Variants in ZSCAN22 observed in about 807,000 individuals in gnomAD.
ZSCAN22 encodes the protein zinc finger and SCAN domain-containing protein 22.
ZSCAN22 carries 7 observed loss-of-function variants against 12.4 expected under a neutral mutation model. The ratio of observed to expected loss-of-function variants is 0.57; its 90% CI spans 0.32 to 1.06. ZSCAN22 has a LOEUF of 1.06. Ranked by LOEUF, ZSCAN22 falls within the 50% of genes least tolerant of loss-of-function variation. The pLI is 0.04. For missense variants in ZSCAN22, 576 were observed against 631.7 expected, an observed-to-expected ratio of 0.91 and a Z score of 0.94; for synonymous variants, 243 against 255.9, an observed-to-expected ratio of 0.95 and a Z score of 0.48.
Position 58,335,131 on chromosome 19 carries a change from G to A in ZSCAN22, c.329G>A (p.Gly110Glu). The A allele has an allele frequency of 1.2e-6, 2 of 1,614,040 alleles. No homozygotes were observed. Among genetic ancestry groups the A allele is most frequent in the Non-Finnish European group, 1.7e-6 (2 of 1,179,968 alleles). Residue 110 changes from glycine (G) to glutamate (E), a missense_variant, in exon 2 of 3, where the codon GGA becomes GAA. Coordinates refer to ENST00000329665, the MANE Select transcript of ZSCAN22 (RefSeq NM_181846.3). This position sits in a 1 kb window ranked among gnomAD's most constrained non-coding sequence, Gnocchi z 4.1. Reference protein sequence around the residue: ...ALPPEIQAWVGAQSPKSGEEA... With the variant: ...ALPPEIQAWVEAQSPKSGEEA... ...CCCCCAGAGATCCAAGCCTGGGTGGGAGCCCAGAGTCCCAAGAGCGGAGAG... is the reference window on the plus strand; with the variant it reads ...CCCCCAGAGATCCAAGCCTGGGTGGAAGCCCAGAGTCCCAAGAGCGGAGAG...
chr19:58,335,012 C>G lies in ZSCAN22; in HGVS notation c.210C>G (p.Leu70=). 1 of 1,614,140 alleles carries G rather than the reference C, an allele frequency of 6.2e-7. No homozygotes were observed. The highest frequency in any genetic ancestry group is 1.1e-5 in the South Asian group (1 of 91,086). ...GTCCACACGAGGCCCTGGCCCACCT[C>G]CGAGCGCTGTGCTGTCAGTGGCTGC... The part of the protein sequence containing the change: ...ASGPHEALAH[L]RALCCQWLQP... The change falls in exon 2 of 3, where the codon CTC becomes CTG. Residue 70 remains leucine, a synonymous_variant. Transcript: ENST00000329665. This position sits in a 1 kb window ranked among gnomAD's most constrained non-coding sequence, Gnocchi z 4.1.
In ZSCAN22 at chr19:58,338,414, A is replaced by C; in HGVS notation, c.564A>C (p.Gly188=). 1 of 1,614,184 alleles carries C rather than the reference A, an allele frequency of 6.2e-7. No homozygotes were observed. The highest frequency in any genetic ancestry group is 8.5e-7 in the Non-Finnish European group (1 of 1,180,018). ...CTGAGGGCAGCTCAGAGAGGTCTGG[A>C]CTATCAGGGGAGATCTGGACAAAGT... ...CEPEGSSERS[G]LSGEIWTKSV... is the part of the protein sequence containing the mutation. The change falls in exon 3 of 3, where the codon GGA becomes GGC. Residue 188 remains glycine (G), a synonymous_variant. Coordinates refer to ENST00000329665, the MANE Select transcript of ZSCAN22 (RefSeq NM_181846.3). The surrounding 1 kb of genome is among the most constrained non-coding windows in gnomAD (Gnocchi z 5.4).
rs750358843 is a variant in ZSCAN22 at position 58,335,085 on chromosome 19, G to C, written c.283G>C (p.Glu95Gln). The change falls in exon 2 of 3, where the codon GAG becomes CAG. Residue 95 changes from glutamate to glutamine, a missense_variant. Coordinates refer to ENST00000329665, the MANE Select transcript of ZSCAN22 (RefSeq NM_181846.3). The surrounding 1 kb of genome is among the most constrained non-coding windows in gnomAD (Gnocchi z 4.1). ...GCAGATACTGGAGCTGCTGGTGCTG[G>C]AGCAGTTCCTGGGTGCGCTGCCCCC... ...KEQILELLVL[E>Q]QFLGALPPEI... is the part of the protein sequence containing the mutation. The C allele has an allele frequency of 6.2e-7, 1 of 1,614,166 alleles. No individual in the cohort carries two copies. The highest frequency in any genetic ancestry group is 8.5e-7 in the Non-Finnish European group (1 of 1,180,044).
chr19:58,332,346 T>A (rs2147984365), intron 1 of ZSCAN22, among the ~76,000 whole-genome samples: 1 of 141,684 alleles, frequency 7.1e-6, no homozygotes, highest in South Asian at 2.3e-4. Context: ...TACTCTCGGC[T>A]CACTGCAACC....
rs2051872358 is a variant in ZSCAN22 at position 58,341,309 on chromosome 19, C to G, written c.*1983C>G. ...TGCCAGCATTCTGTCCATGTGTTCT[C>G]TGGTCTTCTCTCACAATGCTGCATC... On this transcript the variant is annotated 3_prime_UTR_variant, in exon 3 of 3. Transcript: ENST00000329665. 6.6e-6 allele frequency: 1 copy of G among 152,212 alleles called. No individual in the cohort carries two copies. Among genetic ancestry groups the G allele is most frequent in the African/African-American group, 2.4e-5 (1 of 41,424 alleles). 9.4% of individuals were successfully genotyped at this position (152,212 alleles called of 1,614,324 possible). A position where few individuals can be genotyped will look rare whatever the true frequency, so the allele number is the denominator to read the frequency against.
At chr19:58,330,472 C>A (rs892105547) in intron 1 of ZSCAN22, among the ~76,000 whole-genome samples, 2 of 152,148 alleles carry the variant, frequency 1.3e-5, no homozygotes, top group African/African-American at 4.8e-5. Flanking sequence ...TAATTGATTG[C>A]CCTCACCAAT....
chr19:58,340,316 G>A lies in ZSCAN22; in HGVS notation c.*990G>A, dbSNP rs1664789615. On this transcript the variant is annotated 3_prime_UTR_variant, in exon 3 of 3. Transcript: ENST00000329665. The stretch of plus-strand genomic sequence containing the variant: ...CATGTATGAATACTGTCATTTTTCT[G>A]TGCGTGCAGTGAAAATGGCCTCATC... The A allele has an allele frequency of 6.6e-6, 1 of 152,096 alleles. No individual in the cohort carries two copies. The highest frequency in any genetic ancestry group is 6.6e-5 in the Admixed American group (1 of 15,266). 9.4% of individuals were successfully genotyped at this position (152,096 alleles called of 1,614,324 possible).
chr19:58,331,326 C>T (rs975999669), intron 1 of ZSCAN22, among the ~76,000 whole-genome samples: 6 of 150,014 alleles, frequency 4.0e-5, no homozygotes, highest in African/African-American at 1.5e-4. Context: ...AAGCAATTCT[C>T]CTGTCTCAGC....
At chr19:58,328,070 G>A (rs1260764844) in intron 1 of ZSCAN22, among the ~76,000 whole-genome samples, 1 of 152,050 alleles carries the variant, frequency 6.6e-6, no homozygotes. Flanking sequence ...AGGCTGGCCC[G>A]GAACTCCTGA....
Position 58,338,270 on chromosome 19 carries a change from C to A in ZSCAN22, c.420C>A (p.Ala140=), listed in dbSNP as rs146431696. 9 of 1,599,840 alleles carry A rather than the reference C, an allele frequency of 5.6e-6. No individual in the cohort carries two copies. The highest frequency in any genetic ancestry group is 7.7e-6 in the Non-Finnish European group (9 of 1,169,402). Residue 140 remains alanine, a synonymous_variant, in exon 3 of 3, where the codon GCC becomes GCA. Coordinates refer to ENST00000329665, the MANE Select transcript of ZSCAN22 (RefSeq NM_181846.3). This position sits in a 1 kb window ranked among gnomAD's most constrained non-coding sequence, Gnocchi z 5.4. ...VLDKRGWDPG[A]EPTEASCKQS... ...CTGTTTCAGGATGGGATCCAGGAGC[C>A]GAGCCCACAGAGGCAAGCTGCAAGC... is the stretch of plus-strand genomic sequence containing the variant.
At position 58,339,002 on chromosome 19, in the gene ZSCAN22, G is replaced by T. The variant is rs147732645; in HGVS notation, c.1152G>T (p.Ala384=). The change falls in exon 3 of 3, where the codon GCG becomes GCT. Residue 384 remains alanine (A), a synonymous_variant. Transcript: ENST00000329665. This position sits in a 1 kb window ranked among gnomAD's most constrained non-coding sequence, Gnocchi z 5.6. ...HTGERPYECD[A]CGKAFSQSTH... The stretch of plus-strand genomic sequence containing the variant: ...GGGAGCGGCCCTACGAGTGTGACGC[G>T]TGTGGGAAAGCCTTCAGCCAGAGCA... 1 of 1,612,408 alleles carries T rather than the reference G, an allele frequency of 6.2e-7. No individual in the cohort carries two copies. The highest frequency in any genetic ancestry group is 1.7e-5 in the Admixed American group (1 of 59,724).
At position 58,339,314 on chromosome 19, in the gene ZSCAN22, G is replaced by T; in HGVS notation, c.1464G>T (p.Thr488=). Residue 488 remains threonine, a synonymous_variant, in exon 3 of 3, where the codon ACG becomes ACT. Coordinates refer to ENST00000329665, the MANE Select transcript of ZSCAN22 (RefSeq NM_181846.3). This position sits in a 1 kb window ranked among gnomAD's most constrained non-coding sequence, Gnocchi z 5.6. ...ALMVHLRIHI[T]VLQ ...TGGTTCACTTGCGGATCCACATCACGGTGCTGCAATGACCGGAAGTCGCCC... is the reference window on the plus strand; with the variant it reads ...TGGTTCACTTGCGGATCCACATCACTGTGCTGCAATGACCGGAAGTCGCCC... 6.2e-7 allele frequency: 1 copy of T among 1,601,574 alleles called. No homozygotes were observed. Among genetic ancestry groups the T allele is most frequent in the Non-Finnish European group, 8.5e-7 (1 of 1,171,840 alleles).
chr19:58,327,842 A>C (rs2051673164), intron 1 of ZSCAN22, among the ~76,000 whole-genome samples: 2 of 152,136 alleles, frequency 1.3e-5, no homozygotes, highest in Admixed American at 6.6e-5. Context: ...TGTGATGGAA[A>C]TGCTGCGAGG....
intron 1 of ZSCAN22, among the ~76,000 whole-genome samples, chr19:58,328,069 C>T (rs139560358): frequency 1.5e-3 from 222 of 152,182 alleles, no homozygotes; most frequent in Middle Eastern, 6.8e-3. Context: ...TAGGCTGGCC[C>T]GGAACTCCTG....
Position 58,341,787 on chromosome 19 carries a change from A to G in ZSCAN22, c.*2461A>G, listed in dbSNP as rs948787483. 2 of 152,266 alleles carry G rather than the reference A, an allele frequency of 1.3e-5. No individual in the cohort carries two copies. The highest frequency in any genetic ancestry group is 4.8e-5 in the African/African-American group (2 of 41,460). 9.4% of individuals were successfully genotyped at this position (152,266 alleles called of 1,614,324 possible). On this transcript the variant is annotated 3_prime_UTR_variant, in exon 3 of 3. Coordinates refer to ENST00000329665, the MANE Select transcript of ZSCAN22 (RefSeq NM_181846.3). ...GCATGCTGGAGGGAACAGAAAAGGCATGGGCCTGAATTCAGGCTGCAGAGC... is the reference window on the plus strand; with the variant it reads ...GCATGCTGGAGGGAACAGAAAAGGCGTGGGCCTGAATTCAGGCTGCAGAGC...
chr19:58,332,248 C>T (rs984339202), intron 1 of ZSCAN22, among the ~76,000 whole-genome samples: 1 of 149,260 alleles, frequency 6.7e-6, no homozygotes, highest in African/African-American at 2.5e-5. Flanking sequence ...TCTCTTCAGC[C>T]TCTGACAAAC....
chr19:58,330,456 A>C (rs551461520), intron 1 of ZSCAN22, among the ~76,000 whole-genome samples: 24 of 152,202 alleles, frequency 1.6e-4, no homozygotes, highest in Non-Finnish European at 3.2e-4. Flanking sequence ...TTTGCCAAAG[A>C]TATTCTAATT....
In ZSCAN22 at chr19:58,335,929, A is replaced by G. The variant is rs1600491181; in HGVS notation, c.403+724A>G. 6.6e-6 allele frequency among the ~76,000 whole-genome samples: 1 copy of G among 152,218 alleles called. No homozygotes were observed. The highest frequency in any genetic ancestry group is 2.1e-4 in the South Asian group (1 of 4,838). On this transcript the variant is annotated intron_variant, in intron 2 of 2. Coordinates refer to ENST00000329665, the MANE Select transcript of ZSCAN22 (RefSeq NM_181846.3). The surrounding 1 kb of genome is among the most constrained non-coding windows in gnomAD (Gnocchi z 4.1). ...AGGGAGGTCCAGTGGGATGCAGGGA[A>G]GACCCAGCCTTGGGACAATCCAGAG... is the stretch of plus-strand genomic sequence containing the variant.
At chr19:58,334,378 G>C (rs1372788564) in intron 1 of ZSCAN22, among the ~76,000 whole-genome samples, 1 of 152,116 alleles carries the variant, frequency 6.6e-6, no homozygotes, top group South Asian at 2.1e-4. Context: ...GTGCAGTGGC[G>C]TAGTCTCGGC....
Sources: gnomAD v4.1 joint callset for allele counts (sites outside exome capture counted in the v4.1 genomes callset) on GRCh38, gnomAD v4.1.1 for gene constraint, Gnocchi (gnomAD v3.1) non-coding constraint, MANE v1.5 for transcripts, NCBI Gene and HGNC (gene_info 2026-07-23, HGNC 2026-07-21) for gene names.